Variants in PCDHA4 observed in about 807,000 individuals in gnomAD.
The protein encoded by PCDHA4 is protocadherin alpha 4.
Under a neutral mutation model 61.4 loss-of-function variants are expected in PCDHA4, and 49 were observed. That is an observed-to-expected ratio of 0.80 (90% confidence interval 0.63 to 1.01). The LOEUF is 1.01. Ranked by LOEUF, PCDHA4 falls within the 50% of genes least tolerant of loss-of-function variation. PCDHA4 has a pLI of 0.00. For missense variants in PCDHA4, 1,254 were observed against 1,235.8 expected, an observed-to-expected ratio of 1.01 and a Z score of -0.22; for synonymous variants, 590 against 550.3, an observed-to-expected ratio of 1.07 and a Z score of -1.01.
intron 1 of PCDHA4, chr5:140,816,479 TC>T (rs1765913438): frequency 1.3e-5 from 2 of 151,236 alleles, no homozygotes; most frequent in Admixed American, 1.3e-4. Context: ...TAGCTCTATT[TC>T]TTTAGGTTTG....
intron 1 of PCDHA4, among the ~76,000 whole-genome samples, chr5:140,914,956 T>C (rs2076915145): frequency 6.6e-6 from 1 of 150,718 alleles, no homozygotes; most frequent in African/African-American, 2.4e-5. Flanking sequence ...TTTTTTTTTT[T>C]TTTTTTCTGA....
At chr5:140,969,982 G>A (rs1327490843) in intron 1 of PCDHA4, among the ~76,000 whole-genome samples, 1 of 152,184 alleles carries the variant, frequency 6.6e-6, no homozygotes, top group Non-Finnish European at 1.5e-5. Context: ...CAACTCTTCT[G>A]TAGAGGGCTG....
intron 1 of PCDHA4, among the ~76,000 whole-genome samples, chr5:140,831,828 T>G (rs149132761): frequency 6.6e-6 from 1 of 152,292 alleles, no homozygotes; most frequent in Non-Finnish European, 1.5e-5. Flanking sequence ...TAAACACTAG[T>G]TTCAATGATA....
In PCDHA4 at chr5:140,982,461, G is replaced by A. The variant is rs765899879; in HGVS notation, c.2445-14G>A. The A allele has an allele frequency of 4.7e-5, 76 of 1,614,088 alleles. No individual in the cohort carries two copies. The highest frequency in any genetic ancestry group is 5.8e-5 in the Non-Finnish European group (68 of 1,180,014). On this transcript the variant is annotated splice_polypyrimidine_tract_variant and intron_variant, in intron 2 of 3. Coordinates refer to ENST00000530339, the MANE Select transcript of PCDHA4 (RefSeq NM_018907.4). ...TATGATCTAACCGTTATCTGGGTCTGTGTGTTTATTCAGCTCTGTGCACCT... is the reference window on the plus strand; with the variant it reads ...TATGATCTAACCGTTATCTGGGTCTATGTGTTTATTCAGCTCTGTGCACCT...
intron 1 of PCDHA4, chr5:140,823,087 G>T: frequency 1.2e-6 from 2 of 1,613,984 alleles, no homozygotes; most frequent in East Asian, 4.5e-5. Context: ...GTGGGCCACC[G>T]CCAGCGTGTC....
intron 1 of PCDHA4, among the ~76,000 whole-genome samples, chr5:140,947,921 C>A (rs1327858146): frequency 6.6e-6 from 1 of 151,536 alleles, no homozygotes; most frequent in African/African-American, 2.4e-5. Context: ...CTTGCCTTAA[C>A]CCTGATCTTA....
At chr5:140,974,652 C>T (rs1238427822) in intron 1 of PCDHA4, among the ~76,000 whole-genome samples, 2 of 152,078 alleles carry the variant, frequency 1.3e-5, no homozygotes, top group East Asian at 1.9e-4. Context: ...GCTGAGATTA[C>T]AGGCATGCGC....
chr5:140,854,223 C>T, intron 1 of PCDHA4: 3 of 631,588 alleles, frequency 4.7e-6, no homozygotes, highest in Non-Finnish European at 5.9e-6. Context: ...TGGACATCTA[C>T]ATTGGGATAT....
intron 1 of PCDHA4, among the ~76,000 whole-genome samples, chr5:140,854,895 C>T (rs565255235): frequency 1.1e-4 from 16 of 149,404 alleles, no homozygotes; most frequent in African/African-American, 3.7e-4. Flanking sequence ...ATTTGAAAAG[C>T]GTAAATATAA....
intron 1 of PCDHA4, chr5:140,969,451 T>C (rs1016577934): frequency 3.3e-6 from 5 of 1,511,952 alleles, no homozygotes; most frequent in Non-Finnish European, 3.6e-6. Context: ...GTAAACTGAG[T>C]ATATATAGTA....
At chr5:140,834,215 T>A (rs1425160106) in intron 1 of PCDHA4, 2 of 654,798 alleles carry the variant, frequency 3.1e-6, no homozygotes, top group Non-Finnish European at 5.1e-6. Flanking sequence ...TCTTTCGTAA[T>A]CAGCAAAAGG....
chr5:140,902,894 A>G (rs1370660183), intron 1 of PCDHA4, among the ~76,000 whole-genome samples: 1 of 152,170 alleles, frequency 6.6e-6, no homozygotes, highest in Non-Finnish European at 1.5e-5. Flanking sequence ...CTATTATTTT[A>G]TTTAGTTTAT....
At chr5:140,968,818 T>C in intron 1 of PCDHA4, 1 of 1,614,188 alleles carries the variant, frequency 6.2e-7, no homozygotes, top group South Asian at 1.1e-5. Flanking sequence ...TGGATAGGGT[T>C]TCCAAAATCC....
At chr5:140,839,706 G>A (rs2150300101) in intron 1 of PCDHA4, among the ~76,000 whole-genome samples, 1 of 152,134 alleles carries the variant, frequency 6.6e-6, no homozygotes, top group South Asian at 2.1e-4. Context: ...ATAATGTGAT[G>A]ACAAATTTAA....
At position 140,809,647 on chromosome 5, in the gene PCDHA4, A is replaced by G. The variant is rs1764517307; in HGVS notation, c.2385+75A>G. The G allele has an allele frequency of 2.0e-6, 3 of 1,500,206 alleles. No individual in the cohort carries two copies. In the Admixed American group the frequency reaches 6.9e-5, roughly 34 times the overall value. 92.9% of individuals were successfully genotyped at this position (1,500,206 alleles called of 1,614,324 possible). Reference sequence around the variant, plus strand: ...CAACTTCTTCGTAAATTTATTTCTAAGAGTCAAATTTCCCTGGGTTAAAAT... The same window carrying G: ...CAACTTCTTCGTAAATTTATTTCTAGGAGTCAAATTTCCCTGGGTTAAAAT... On this transcript the variant is annotated intron_variant, in intron 1 of 3. Coordinates refer to ENST00000530339, the MANE Select transcript of PCDHA4 (RefSeq NM_018907.4).
chr5:140,825,205 C>T (rs1768477238), intron 1 of PCDHA4: 1 of 151,526 alleles, frequency 6.6e-6, no homozygotes, highest in South Asian at 2.1e-4. Flanking sequence ...ATTATCATTA[C>T]TGAAGTAGAT....
At chr5:140,950,860 G>A (rs529625926) in intron 1 of PCDHA4, among the ~76,000 whole-genome samples, 25 of 151,860 alleles carry the variant, frequency 1.6e-4, no homozygotes, top group African/African-American at 5.8e-4. Context: ...TCATATTCTT[G>A]TATATTCTAT....
intron 1 of PCDHA4, chr5:140,841,825 A>C: frequency 6.2e-7 from 1 of 1,613,926 alleles, no homozygotes; most frequent in Non-Finnish European, 8.5e-7. Context: ...ACTCCGTGTT[A>C]ACCTACAGGC....
Position 140,851,528 on chromosome 5 carries a change from C to T in PCDHA4, c.2385+41956C>T, listed in dbSNP as rs185754801. ...ATAAAATATGTTTTAAAATGCCTGA[C>T]AATGTAGATAATTCAAGAAATGTTG... On this transcript the variant is annotated intron_variant, in intron 1 of 3. Transcript: ENST00000530339. 15 of 903,994 alleles carry T rather than the reference C, an allele frequency of 1.7e-5. No homozygotes were observed. The East Asian group carries it at 1.6e-3, about 98-fold the overall frequency. The allele number at this position is 903,994 out of a possible 1,614,324, so 56.0% of individuals were successfully genotyped here.
Sources: allele counts gnomAD v4.1 joint callset (sites outside exome capture counted in the v4.1 genomes callset), GRCh38; gene constraint gnomAD v4.1.1; transcripts MANE v1.5; gene names NCBI Gene and HGNC (gene_info 2026-07-23, HGNC 2026-07-21).